The following WDHD1 variants were observed in gnomAD, a reference collection of about 807,000 sequenced individuals.
WDHD1 encodes the protein WD repeat and HMG-box DNA-binding protein 1.
In WDHD1, 111 loss-of-function variants were observed where a neutral mutation model predicts 135.4. The ratio of observed to expected loss-of-function variants is 0.82; its 90% CI spans 0.70 to 0.96. The LOEUF (loss-of-function observed/expected upper bound fraction) is 0.96, where lower values mean the gene tolerates loss of function less well. Ranked by LOEUF, WDHD1 falls within the 40% of genes least tolerant of loss-of-function variation. The pLI is 0.00. For missense variants in WDHD1, 1,351 were observed against 1,336.3 expected, an observed-to-expected ratio of 1.01 and a Z score of -0.17; for synonymous variants, 434 against 439.0, an observed-to-expected ratio of 0.99 and a Z score of 0.14.
At chr14:54,946,311 T>G (rs557348300) in intron 24 of WDHD1, among the ~76,000 whole-genome samples, 1 of 152,368 alleles carries the variant, frequency 6.6e-6, no homozygotes, top group Non-Finnish European at 1.5e-5. Context: ...CTCAACCTTC[T>G]GAGTGGCTAG....
intron 16 of WDHD1, 27 bp downstream of exon 16, chr14:54,981,513 A>G: frequency 6.3e-7 from 1 of 1,598,928 alleles, no homozygotes; most frequent in Non-Finnish European, 8.5e-7. Flanking sequence ...AAAAAGAGTC[A>G]ACTTTAGACT....
At chr14:55,003,297 C>T (rs917693476) in intron 7 of WDHD1, among the ~76,000 whole-genome samples, 6 of 151,860 alleles carry the variant, frequency 4.0e-5, no homozygotes, top group African/African-American at 7.3e-5. Flanking sequence ...ATCACTAGAG[C>T]TCAGGAGTTT....
chr14:54,945,814 C>T (rs530021386), intron 24 of WDHD1, among the ~76,000 whole-genome samples: 1 of 152,324 alleles, frequency 6.6e-6, no homozygotes, highest in East Asian at 1.9e-4. Context: ...GCTGGGATTA[C>T]AGGCGTGAGC....
chr14:54,960,195 T>G (rs922259861), intron 21 of WDHD1, among the ~76,000 whole-genome samples: 7 of 152,130 alleles, frequency 4.6e-5, no homozygotes, highest in Admixed American at 2.6e-4. Flanking sequence ...TGAGATGGAG[T>G]CTCGCTCTGT....
At chr14:55,017,558 G>C (rs111242749) in intron 2 of WDHD1, among the ~76,000 whole-genome samples, 1 of 152,144 alleles carries the variant, frequency 6.6e-6, no homozygotes, top group Non-Finnish European at 1.5e-5. Context: ...GGCCAGCCTG[G>C]TCTCGAACTC....
intron 24 of WDHD1, among the ~76,000 whole-genome samples, chr14:54,954,044 C>T (rs1391736719): frequency 6.6e-6 from 1 of 151,420 alleles, no homozygotes; most frequent in Admixed American, 6.6e-5. Context: ...AGCACACCAA[C>T]ATGGCACATG....
At chr14:54,948,849 A>G (rs973569601) in intron 24 of WDHD1, among the ~76,000 whole-genome samples, 1 of 152,184 alleles carries the variant, frequency 6.6e-6, no homozygotes, top group Non-Finnish European at 1.5e-5. Context: ...CTGTTCACCA[A>G]TATTTGCTGT....
rs1442372313 is a variant in WDHD1 at position 55,001,525 on chromosome 14, AGT to A, written c.694-535_694-534del. On this transcript the variant is annotated intron_variant, in intron 8 of 25. Transcript: ENST00000360586. Reference sequence around the variant, plus strand: ...CAATCCTCCTGCCTCAGCCTCTCAAAGTGCTGGGATTACAGGCATGAGCCACT... The same window carrying A: ...CAATCCTCCTGCCTCAGCCTCTCAAAGCTGGGATTACAGGCATGAGCCACT... Among the ~76,000 whole-genome samples, 3 of 152,204 alleles carry A rather than the reference AGT, an allele frequency of 2.0e-5. No individual in the cohort carries two copies. The East Asian group carries it at 5.8e-4, about 29-fold the overall frequency.
intron 24 of WDHD1, among the ~76,000 whole-genome samples, chr14:54,953,417 G>A (rs1204156936): frequency 2.0e-5 from 3 of 152,114 alleles, no homozygotes; most frequent in African/African-American, 7.2e-5. Flanking sequence ...CAAAACCACA[G>A]TGAGAAACCA....
Position 54,962,757 on chromosome 14 carries a change from T to C in WDHD1, c.2628A>G (p.Lys876=), listed in dbSNP as rs777022313. The stretch of plus-strand genomic sequence containing the variant: ...TCTCACCAGGCTTATGTATTTCTGG[T>C]TTTTCTTCATCATCAGCTTCTCCAC... ...EDSGEADDEE[K]PEIHKPGQNS... Residue 876 remains lysine, a synonymous_variant, in exon 20 of 26, where the codon AAA becomes AAG. Coordinates refer to ENST00000360586, the MANE Select transcript of WDHD1 (RefSeq NM_007086.4). The C allele has an allele frequency of 1.2e-6, 2 of 1,613,900 alleles. No individual in the cohort carries two copies. The highest frequency in any genetic ancestry group is 1.1e-5 in the South Asian group (1 of 91,074).
At chr14:54,949,043 G>C (rs1461203736) in intron 24 of WDHD1, among the ~76,000 whole-genome samples, 1 of 152,064 alleles carries the variant, frequency 6.6e-6, no homozygotes, top group Admixed American at 6.6e-5. Flanking sequence ...AAACCATAAA[G>C]ATTGGGGAAA....
At chr14:54,949,671 G>A (rs1370085414) in intron 24 of WDHD1, among the ~76,000 whole-genome samples, 9 of 152,086 alleles carry the variant, frequency 5.9e-5, no homozygotes, top group South Asian at 2.1e-4. Flanking sequence ...GATACTCCTC[G>A]AGAAGAGCAA....
chr14:54,970,125 T>G (rs1481272680), intron 16 of WDHD1, among the ~76,000 whole-genome samples: 1 of 152,198 alleles, frequency 6.6e-6, no homozygotes, highest in Non-Finnish European at 1.5e-5. Context: ...AGCATTACCC[T>G]TAAGAATTGG....
At chr14:55,022,377 T>C (rs2042362878) in intron 2 of WDHD1, among the ~76,000 whole-genome samples, 1 of 152,224 alleles carries the variant, frequency 6.6e-6, no homozygotes, top group South Asian at 2.1e-4. Context: ...TTAGCCTTCC[T>C]GCCTTAAATC....
chr14:54,975,207 AG>A (rs978729705), intron 16 of WDHD1, among the ~76,000 whole-genome samples: 4 of 152,238 alleles, frequency 2.6e-5, no homozygotes, highest in Non-Finnish European at 5.9e-5. Flanking sequence ...ACTGTAACAC[AG>A]CAAAATTTAT....
In WDHD1 at chr14:54,984,786, G is replaced by A. The variant is rs780246544; in HGVS notation, c.1843C>T (p.His615Tyr). 1 of 1,613,754 alleles carries A rather than the reference G, an allele frequency of 6.2e-7. No individual in the cohort carries two copies. Among genetic ancestry groups the A allele is most frequent in the South Asian group, 1.1e-5 (1 of 91,042 alleles). The change falls in exon 15 of 26, where the codon CAT becomes TAT. Residue 615 changes from histidine to tyrosine, a missense_variant. Transcript: ENST00000360586. ...CTTGTAAGAGGAAGAGGGTCACCATGCAAAATTTGTTTTTTCTTTTTCCCC... is the reference window on the plus strand; with the variant it reads ...CTTGTAAGAGGAAGAGGGTCACCATACAAAATTTGTTTTTTCTTTTTCCCC... ...ELGKKKKQIL[H>Y]GDPLPLTRKS...
intron 3 of WDHD1, among the ~76,000 whole-genome samples, chr14:55,011,467 T>C (rs2042167743): frequency 1.5e-5 from 2 of 131,234 alleles, no homozygotes; most frequent in Non-Finnish European, 3.1e-5. Flanking sequence ...GCGGTTGCAG[T>C]GAGCTGAGAC....
intron 20 of WDHD1, 26 bp downstream of exon 20, chr14:54,962,712 T>C: frequency 1.2e-6 from 2 of 1,610,548 alleles, no homozygotes; most frequent in Non-Finnish European, 1.7e-6. Flanking sequence ...GTTCTCATGA[T>C]TTATGGGCTT....
chr14:54,974,063 T>C (rs1323675002), intron 16 of WDHD1, among the ~76,000 whole-genome samples: 2 of 151,594 alleles, frequency 1.3e-5, no homozygotes, highest in African/African-American at 4.9e-5. Flanking sequence ...CTGGAAACTA[T>C]GTGCATAAAC....
Sources: gnomAD v4.1 joint callset for allele counts (sites outside exome capture counted in the v4.1 genomes callset) on GRCh38, gnomAD v4.1.1 for gene constraint, MANE v1.5 for transcripts, NCBI Gene and HGNC (gene_info 2026-07-23, HGNC 2026-07-21) for gene names.